Variants in ADAM28 observed in about 807,000 individuals in gnomAD.
ADAM28 encodes ADAM metallopeptidase domain 28.
Under a neutral mutation model 101.2 loss-of-function variants are expected in ADAM28, and 105 were observed. The ratio of observed to expected loss-of-function variants is 1.04; its 90% CI spans 0.89 to 1.22. The LOEUF is 1.22. Ranked by LOEUF, ADAM28 falls within the 50% of genes most tolerant of loss-of-function variation. The pLI is 0.00. For missense variants in ADAM28, 1,028 were observed against 945.4 expected (o/e 1.09, Z -1.15); for synonymous variants, 322 against 310.6 (o/e 1.04, Z -0.39).
intron 2 of ADAM28, among the ~76,000 whole-genome samples, chr8:24,306,355 A>T (rs12675483): frequency 0.025 from 2,645 of 106,150 alleles, 132 homozygotes; most frequent in African/African-American, 0.069. Context: ...AATACAAATA[A>T]ATAAATAAAT....
chr8:24,341,894 GTTTGAA>G lies in ADAM28; in HGVS notation c.1830+142_1830+147del, dbSNP rs1274973643. The G allele has an allele frequency of 4.9e-6, 5 of 1,012,622 alleles. No homozygotes were observed. In the African/African-American group the frequency reaches 8.3e-5, roughly 17 times the overall value. 62.7% of individuals were successfully genotyped at this position (1,012,622 alleles called of 1,614,324 possible). On this transcript the variant is annotated intron_variant, in intron 16 of 22. Transcript: ENST00000265769. ...GCCATGCCTTAATAGAACCCACAGA[GTTTGAA>G]TTTGGAACACAGAAATGAAAATGGC... is the stretch of plus-strand genomic sequence containing the variant.
At chr8:24,351,644 G>A in intron 20 of ADAM28, 1 of 466,196 alleles carries the variant, frequency 2.1e-6, no homozygotes, top group Non-Finnish European at 3.9e-6. Flanking sequence ...TGACAAAATA[G>A]ATACAAAAAT....
intron 6 of ADAM28, among the ~76,000 whole-genome samples, chr8:24,314,821 A>G (rs897736333): frequency 6.6e-6 from 1 of 151,698 alleles, no homozygotes; most frequent in Non-Finnish European, 1.5e-5. Flanking sequence ...CAGGGGGAAG[A>G]TAAAAGTCTA....
intron 8 of ADAM28, among the ~76,000 whole-genome samples, chr8:24,323,601 C>T (rs1184042442): frequency 5.9e-5 from 9 of 151,814 alleles, no homozygotes; most frequent in Admixed American, 3.3e-4. Context: ...TACCACCCCC[C>T]ACCCAAAAAA....
intron 6 of ADAM28, among the ~76,000 whole-genome samples, chr8:24,314,454 T>C (rs1444517693): frequency 2.0e-5 from 3 of 152,154 alleles, no homozygotes; most frequent in Admixed American, 1.3e-4. Context: ...AATATCTTTG[T>C]TGACCTTACT....
In ADAM28 at chr8:24,355,413, A is replaced by G. The variant is rs904468730; in HGVS notation, c.*1009A>G. The G allele has an allele frequency of 1.3e-5, 2 of 150,678 alleles. No individual in the cohort carries two copies. The highest frequency in any genetic ancestry group is 4.2e-4 in the South Asian group (2 of 4,776). The allele number at this position is 150,678 out of a possible 1,614,324, so 9.3% of individuals were successfully genotyped here. On this transcript the variant is annotated 3_prime_UTR_variant, in exon 23 of 23. Coordinates refer to ENST00000265769, the MANE Select transcript of ADAM28 (RefSeq NM_014265.6). ...ATATCCTATCTAATCTATCTATCTC[A>G]GGGATAAATCCCTATCCTTTTAAGT...
Position 24,306,362 on chromosome 8 carries a change from A to AT in ADAM28, c.151-3532_151-3531insT, listed in dbSNP as rs1491207691. On this transcript the variant is annotated intron_variant, in intron 2 of 22. Coordinates refer to ENST00000265769, the MANE Select transcript of ADAM28 (RefSeq NM_014265.6). Reference sequence around the variant, plus strand: ...CCATCTCAAATACAAATAAATAAATAAATATATATATATATATATATATTT... The same window carrying AT: ...CCATCTCAAATACAAATAAATAAATATAATATATATATATATATATATATTT... 3.6e-3 allele frequency among the ~76,000 whole-genome samples: 434 copies of AT among 119,062 alleles called. 25 individuals are homozygous for AT. The highest frequency in any genetic ancestry group is 0.013 in the African/African-American group (393 of 29,714). 78.1% of individuals were successfully genotyped at this position (119,062 alleles called of 152,430 possible).
intron 1 of ADAM28, among the ~76,000 whole-genome samples, chr8:24,298,261 T>A (rs755343972): frequency 2.6e-5 from 4 of 152,154 alleles, no homozygotes; most frequent in Non-Finnish European, 4.4e-5. Flanking sequence ...TTAGAGTAAC[T>A]CTTACACCAC....
At chr8:24,300,510 A>G (rs1351852435) in intron 2 of ADAM28, among the ~76,000 whole-genome samples, 1 of 151,772 alleles carries the variant, frequency 6.6e-6, no homozygotes, top group East Asian at 1.9e-4. Flanking sequence ...TCCGCCTCCC[A>G]GGTTCACGCC....
Position 24,299,997 on chromosome 8 carries a change from G to C in ADAM28, c.70G>C (p.Gly24Arg). 6.2e-7 allele frequency: 1 copy of C among 1,612,946 alleles called. No individual in the cohort carries two copies. Among genetic ancestry groups the C allele is most frequent in the Non-Finnish European group, 8.5e-7 (1 of 1,179,916 alleles). ...VAVSAIKELP[G>R]VKKYEVVYPI... is the part of the protein sequence containing the mutation. ...AGTAAGTGCTATAAAAGAACTCCCT[G>C]GGGTGAAGAAGTATGAAGTGGTTTA... The change falls in exon 2 of 23, where the codon GGG (glycine) becomes CGG (arginine). Residue 24 changes from glycine to arginine, a missense_variant. Physicochemically the swap from Gly to Arg is moderately radical, Grantham distance 125 (BLOSUM62 -2). Transcript: ENST00000265769.
chr8:24,313,478 T>C lies in ADAM28; in HGVS notation c.474T>C (p.Tyr158=), dbSNP rs765769028. The change falls in exon 6 of 23, where the codon TAT becomes TAC. Residue 158 remains tyrosine, a synonymous_variant. Transcript: ENST00000265769. ...RDGQEHALFK[Y]NPDEKNYDST... is the part of the protein sequence containing the mutation. ...GACAGGAGCATGCACTCTTCAAGTATAACCCTGATGAAAAGAATTATGACA... is the reference window on the plus strand; with the variant it reads ...GACAGGAGCATGCACTCTTCAAGTACAACCCTGATGAAAAGAATTATGACA... 7 of 1,613,904 alleles carry C rather than the reference T, an allele frequency of 4.3e-6. No individual in the cohort carries two copies. Among genetic ancestry groups the C allele is most frequent in the Non-Finnish European group, 3.4e-6 (4 of 1,179,858 alleles).
At chr8:24,311,546 A>C in intron 5 of ADAM28, 109 bp downstream of exon 5, 1 of 777,296 alleles carries the variant, frequency 1.3e-6, no homozygotes, top group Non-Finnish European at 1.9e-6. Context: ...AGTTGAATAT[A>C]AATCATAAGG....
intron 6 of ADAM28, among the ~76,000 whole-genome samples, chr8:24,319,920 C>T (rs1391953500): frequency 6.6e-6 from 1 of 151,874 alleles, no homozygotes; most frequent in Non-Finnish European, 1.5e-5. Flanking sequence ...TATTTTGTGT[C>T]AGGATGGTGA....
rs1345497948 is a variant in ADAM28, at chr8:24,334,009, TTTG to T, written c.1371+1263_1371+1265del. 3.9e-5 allele frequency among the ~76,000 whole-genome samples: 6 copies of T among 152,278 alleles called. No homozygotes were observed. In the East Asian group the frequency reaches 9.7e-4, roughly 25 times the overall value. On this transcript the variant is annotated intron_variant, in intron 13 of 22. Coordinates refer to ENST00000265769, the MANE Select transcript of ADAM28 (RefSeq NM_014265.6). ...TTTTATAGGGAATGTTTGGTGTTAT[TTTG>T]TTTTTAATGTCAGAGAGAGAGGAAA...
At chr8:24,352,134 A>G in intron 21 of ADAM28, 82 bp downstream of exon 21, 1 of 1,190,250 alleles carries the variant, frequency 8.4e-7, no homozygotes. Context: ...ACAACACTTC[A>G]TTATTTCTTC....
At chr8:24,329,818 G>A (rs1360510032) in intron 10 of ADAM28, among the ~76,000 whole-genome samples, 167 bp from the exon 11 acceptor site, 1 of 151,400 alleles carries the variant, frequency 6.6e-6, no homozygotes, top group Non-Finnish European at 1.5e-5. Flanking sequence ...TGGGCATTCA[G>A]TTCCATTTAG....
chr8:24,301,267 G>C (rs1359942556), intron 2 of ADAM28, among the ~76,000 whole-genome samples: 1 of 152,128 alleles, frequency 6.6e-6, no homozygotes, highest in East Asian at 1.9e-4. Context: ...ACTAACTTCA[G>C]ATGGAACCCA....
At chr8:24,351,447 TTTGTTAAAG>T in intron 20 of ADAM28, 137 bp downstream of exon 20, 1 of 936,240 alleles carries the variant, frequency 1.1e-6, no homozygotes, top group Admixed American at 2.0e-5. Context: ...TCCTTTGCCT[TTTGTTAAAG>T]GCAAAAGAGT....
chr8:24,310,375 TA>T, intron 4 of ADAM28, 134 bp downstream of exon 4: 1 of 707,194 alleles, frequency 1.4e-6, no homozygotes, highest in Non-Finnish European at 2.2e-6. Flanking sequence ...AGCCATTACT[TA>T]AAATATAAAA....
Sources: gnomAD v4.1 joint callset for allele counts (sites outside exome capture counted in the v4.1 genomes callset) on GRCh38, gnomAD v4.1.1 for gene constraint, MANE v1.5 for transcripts, NCBI Gene and HGNC (gene_info 2026-07-23, HGNC 2026-07-21) for gene names.